KCNH7: variants seen among roughly 807,000 people sequenced by gnomAD.
KCNH7 encodes voltage-gated inwardly rectifying potassium channel KCNH7.
A neutral mutation model predicts 120.8 loss-of-function variants in KCNH7; 49 were observed. That is an observed-to-expected ratio of 0.41 (90% CI 0.32 to 0.51). The LOEUF (loss-of-function observed/expected upper bound fraction) is 0.51. Among genes scored for constraint, KCNH7 ranks in the 20% least tolerant of loss-of-function variants. The pLI is 0.38. For missense variants in KCNH7, 1,097 were observed against 1,446.6 expected (o/e 0.76, Z 3.92); for synonymous variants, 547 against 516.1 (o/e 1.06, Z -0.81).
intron 9 of KCNH7, among the ~76,000 whole-genome samples, chr2:162,410,204 A>G (rs1687343985): frequency 6.6e-6 from 1 of 152,108 alleles, no homozygotes; most frequent in Non-Finnish European, 1.5e-5. Context: ...AGTAACCAAA[A>G]CAATGTGGAA....
chr2:162,740,866 T>C (rs540695152), intron 2 of KCNH7, among the ~76,000 whole-genome samples: 1 of 152,342 alleles, frequency 6.6e-6, no homozygotes, highest in South Asian at 2.1e-4. Context: ...GGAAATGCTA[T>C]GGATCTTATG....
At chr2:162,707,042 T>C (rs888986805) in intron 2 of KCNH7, among the ~76,000 whole-genome samples, 1 of 152,102 alleles carries the variant, frequency 6.6e-6, no homozygotes, top group Non-Finnish European at 1.5e-5. Flanking sequence ...TATTAACACA[T>C]CTTGTGACAG....
chr2:162,659,584 C>T (rs1419581194), intron 2 of KCNH7, among the ~76,000 whole-genome samples: 1 of 152,080 alleles, frequency 6.6e-6, no homozygotes, highest in Non-Finnish European at 1.5e-5. Flanking sequence ...TCAAGTGATC[C>T]AGCCCAGCTC....
chr2:162,764,445 T>C (rs1479116907), intron 2 of KCNH7, among the ~76,000 whole-genome samples: 3 of 152,164 alleles, frequency 2.0e-5, no homozygotes, highest in Non-Finnish European at 4.4e-5. Context: ...ATCTAAATAT[T>C]GTTAAAGATG....
chr2:162,478,160 T>C (rs753825416), intron 6 of KCNH7, among the ~76,000 whole-genome samples: 2 of 152,130 alleles, frequency 1.3e-5, no homozygotes, highest in Non-Finnish European at 2.9e-5. Flanking sequence ...TAGAGCCCAT[T>C]AGACCGGGCC....
chr2:162,491,791 C>A (rs1269964677), intron 6 of KCNH7, among the ~76,000 whole-genome samples: 1 of 152,194 alleles, frequency 6.6e-6, no homozygotes, highest in African/African-American at 2.4e-5. Flanking sequence ...CCTAGGGATG[C>A]CTTTTTCCCC....
intron 12 of KCNH7, among the ~76,000 whole-genome samples, chr2:162,394,083 C>T (rs1281539350): frequency 6.6e-6 from 1 of 151,944 alleles, no homozygotes; most frequent in Non-Finnish European, 1.5e-5. Flanking sequence ...CTTGAAATGA[C>T]AGCCCTCTTT....
chr2:162,764,969 C>T (rs910422760), intron 2 of KCNH7, among the ~76,000 whole-genome samples: 5 of 152,012 alleles, frequency 3.3e-5, no homozygotes, highest in Non-Finnish European at 7.4e-5. Flanking sequence ...ATATAAACAT[C>T]AGAGCTATAA....
chr2:162,605,014 AT>A (rs1694683968), intron 2 of KCNH7, among the ~76,000 whole-genome samples: 1 of 152,108 alleles, frequency 6.6e-6, no homozygotes, highest in African/African-American at 2.4e-5. Context: ...TCAAATGCTT[AT>A]TAATTATTTC....
At chr2:162,788,385 A>G (rs778876139) in intron 2 of KCNH7, among the ~76,000 whole-genome samples, 36 of 152,162 alleles carry the variant, frequency 2.4e-4, no homozygotes, top group Non-Finnish European at 4.6e-4. Context: ...AGAACAATAA[A>G]AAACAAAATT....
intron 9 of KCNH7, among the ~76,000 whole-genome samples, chr2:162,421,322 C>G (rs1314048664): frequency 6.6e-6 from 1 of 152,080 alleles, no homozygotes; most frequent in Non-Finnish European, 1.5e-5. Flanking sequence ...ACCGTATACC[C>G]ATAGCCTTTA....
chr2:162,740,404 A>C (rs34241430), intron 2 of KCNH7, among the ~76,000 whole-genome samples: 3,243 of 152,318 alleles, frequency 0.021, 72 homozygotes, highest in East Asian at 0.11. Context: ...TTCCAGGCAC[A>C]ACAGGCACTG....
chr2:162,595,090 G>A (rs1432243712), intron 2 of KCNH7, among the ~76,000 whole-genome samples: 1 of 152,008 alleles, frequency 6.6e-6, no homozygotes, highest in Non-Finnish European at 1.5e-5. Flanking sequence ...TCAATTGACT[G>A]GGTAATTTCT....
chr2:162,392,356 G>A (rs77103287), intron 12 of KCNH7, among the ~76,000 whole-genome samples: 2,141 of 151,794 alleles, frequency 0.014, 33 homozygotes, highest in Non-Finnish European at 0.018. Context: ...AATATTATAA[G>A]GAAAACCACA....
chr2:162,459,452 C>T (rs1689078611), intron 6 of KCNH7, among the ~76,000 whole-genome samples: 1 of 152,150 alleles, frequency 6.6e-6, no homozygotes, highest in South Asian at 2.1e-4. Flanking sequence ...TCGAGAACTA[C>T]AGTTCCCAGC....
intron 2 of KCNH7, among the ~76,000 whole-genome samples, chr2:162,547,147 C>T (rs1336501423): frequency 6.6e-6 from 1 of 152,072 alleles, no homozygotes; most frequent in Admixed American, 6.6e-5. Flanking sequence ...AGGAAAACTA[C>T]CATTTATAAA....
chr2:162,828,658 G>T (rs1210650093), intron 2 of KCNH7, among the ~76,000 whole-genome samples: 1 of 152,174 alleles, frequency 6.6e-6, no homozygotes, highest in East Asian at 1.9e-4. Flanking sequence ...AAGTCCACTT[G>T]CTGTTACACT....
At chr2:162,467,289 G>A (rs1160239693) in intron 6 of KCNH7, among the ~76,000 whole-genome samples, 1 of 152,160 alleles carries the variant, frequency 6.6e-6, no homozygotes, top group Non-Finnish European at 1.5e-5. Context: ...GCTATAGTTT[G>A]GATATATGAT....
intron 6 of KCNH7, among the ~76,000 whole-genome samples, chr2:162,484,368 A>G (rs552748136): frequency 2.6e-5 from 4 of 152,120 alleles, no homozygotes; most frequent in Non-Finnish European, 5.9e-5. Flanking sequence ...CTTGGTCCCC[A>G]TTCTCCTTTT....
Sources: allele counts gnomAD v4.1 joint callset (sites outside exome capture counted in the v4.1 genomes callset), GRCh38; gene constraint gnomAD v4.1.1; transcripts MANE v1.5; gene names NCBI Gene and HGNC (gene_info 2026-07-23, HGNC 2026-07-21).